KCP: variants seen among roughly 807,000 people sequenced by gnomAD.
The protein encoded by KCP is kielin cysteine rich BMP regulator.
KCP carries 194 observed loss-of-function variants against 212.7 expected under a neutral mutation model. That is an observed-to-expected ratio of 0.91 (90% CI 0.81 to 1.03). The LOEUF (loss-of-function observed/expected upper bound fraction) is 1.03, where lower values mean the gene tolerates loss of function less well. Ranked by LOEUF, KCP falls within the 50% of genes least tolerant of loss-of-function variation. The pLI, the probability that KCP is intolerant of heterozygous loss-of-function variation, is 0.00. For synonymous variants in KCP, 833 were observed against 865.3 expected (o/e 0.96, Z 0.65); for missense variants, 2,080 against 2,162.5 (o/e 0.96, Z 0.76).
In KCP at chr7:128,877,716, G is replaced by T; in HGVS notation, c.4386C>A (p.Tyr1462Ter). The T allele has an allele frequency of 6.4e-7, 1 of 1,551,120 alleles. No individual in the cohort carries two copies. The highest frequency in any genetic ancestry group is 1.2e-5 in the South Asian group (1 of 84,064). The change falls in exon 39 of 40, where the codon TAC (tyrosine) becomes TAA (stop). Residue 1462 changes from tyrosine (Y) to a stop codon, truncating the protein, a stop_gained. Transcript: ENST00000610776. LOFTEE classifies it high-confidence loss of function. ...REVDPCRAAGYRARREANARC... is the reference protein window; with the variant it reads ...REVDPCRAAG ...GGGCATTGGCCTCACGCCTGGCACGGTAACCTGCTGCCCGGCACGGATCCA... is the reference window on the plus strand; with the variant it reads ...GGGCATTGGCCTCACGCCTGGCACGTTAACCTGCTGCCCGGCACGGATCCA...
intron 1 of KCP, 40 bp downstream of exon 1, chr7:128,910,561 G>A (rs1795379427): frequency 1.3e-6 from 2 of 1,489,694 alleles, no homozygotes; most frequent in Admixed American, 2.1e-5. Flanking sequence ...GGGAGGGGGC[G>A]CACCTGGCCG....
chr7:128,878,425 T>A (rs2128943934), intron 38 of KCP, 133 bp downstream of exon 38: 1 of 1,003,312 alleles, frequency 1.0e-6, no homozygotes, highest in African/African-American at 1.6e-5. Flanking sequence ...CCCCCACACC[T>A]CCCTGAAAGC....
chr7:128,903,708 A>AGG lies in KCP; in HGVS notation c.748+17_748+18dup. ...CAACCTACCTGTGGCTCTACCAGGGAGGGGCCAGGGGCTCTCACCTTGGCA... is the reference window on the plus strand; with the variant it reads ...CAACCTACCTGTGGCTCTACCAGGGAGGGGGGCCAGGGGCTCTCACCTTGGCA... On this transcript the variant is annotated intron_variant, in intron 7 of 39. Coordinates refer to ENST00000610776, the MANE Select transcript of KCP (RefSeq NM_001366122.1). The AGG allele has an allele frequency of 3.3e-6, 5 of 1,527,946 alleles. No individual in the cohort carries two copies. The highest frequency in any genetic ancestry group is 4.4e-6 in the Non-Finnish European group (5 of 1,135,300). 94.6% of individuals were successfully genotyped at this position (1,527,946 alleles called of 1,614,324 possible). A position where few individuals can be genotyped will look rare whatever the true frequency, so the allele number is the denominator to read the frequency against.
intron 8 of KCP, among the ~76,000 whole-genome samples, chr7:128,902,425 A>G (rs1316657850): frequency 1.3e-5 from 2 of 152,258 alleles, no homozygotes; most frequent in Non-Finnish European, 2.9e-5. Flanking sequence ...AGCCACAGGT[A>G]GTAGTGGCTG....
chr7:128,891,089 T>G lies in KCP; in HGVS notation c.1980A>C (p.Pro660=), dbSNP rs1278294840. The change falls in exon 20 of 40, where the codon CCA becomes CCC. Residue 660 remains proline (P), a synonymous_variant. Transcript: ENST00000610776. Reference sequence around the variant, plus strand: ...CGGGCCGTGGGCAGCCGGCGGGGGCTGGGGCGGCTGCGGCGAGACAGCGCA... The same window carrying G: ...CGGGCCGTGGGCAGCCGGCGGGGGCGGGGGCGGCTGCGGCGAGACAGCGCA... ...GECCPQCPAA[P]APAGCPRPGA... 6.9e-7 allele frequency: 1 copy of G among 1,440,580 alleles called. No homozygotes were observed. Among genetic ancestry groups the G allele is most frequent in the Non-Finnish European group, 9.1e-7 (1 of 1,101,554 alleles). 89.2% of individuals were successfully genotyped at this position (1,440,580 alleles called of 1,614,324 possible).
chr7:128,897,323 T>C (rs1176721109), intron 8 of KCP, among the ~76,000 whole-genome samples: 1 of 152,244 alleles, frequency 6.6e-6, no homozygotes. Flanking sequence ...CCTTGTCTTG[T>C]ATGTCCTTGG....
In KCP at chr7:128,891,082, C is replaced by T. The variant is rs1343928703; in HGVS notation, c.1987G>A (p.Ala663Thr). The change falls in exon 20 of 40, where the codon GCC (alanine) becomes ACC (threonine). Residue 663 changes from alanine to threonine, a missense_variant. By Grantham distance (58) the Ala-to-Thr change is moderately conservative (BLOSUM62 0). Coordinates refer to ENST00000610776, the MANE Select transcript of KCP (RefSeq NM_001366122.1). ...GCCGCGCCGGGCCGTGGGCAGCCGG[C>T]GGGGGCTGGGGCGGCTGCGGCGAGA... ...CPQCPAAPAP[A>T]GCPRPGAAHA... 3 of 1,419,742 alleles carry T rather than the reference C, an allele frequency of 2.1e-6. No homozygotes were observed. Among genetic ancestry groups the T allele is most frequent in the South Asian group, 1.5e-5 (1 of 66,234 alleles). The allele number at this position is 1,419,742 out of a possible 1,614,324, so 87.9% of individuals were successfully genotyped here.
chr7:128,881,200 C>T lies in KCP; in HGVS notation c.3425-115G>A, dbSNP rs145502932. On this transcript the variant is annotated intron_variant, in intron 31 of 39. Transcript: ENST00000610776. ...GCACCCACTCCGTGTCCCTACCACC[C>T]TGATGGTGTTGATTTCTTCAGCCAA... The T allele has an allele frequency of 2.6e-3, 1,026 of 399,056 alleles. 13 individuals are homozygous for T. The highest frequency in any genetic ancestry group is 0.025 in the East Asian group (711 of 28,064). The allele number at this position is 399,056 out of a possible 1,614,324, so 24.7% of individuals were successfully genotyped here. A position where few individuals can be genotyped will look rare whatever the true frequency, so the allele number is the denominator to read the frequency against.
At chr7:128,889,847 G>T (rs1368968376) in intron 21 of KCP, 1 of 155,136 alleles carries the variant, frequency 6.4e-6, no homozygotes, top group African/African-American at 2.4e-5. Context: ...GCCCAGAGAG[G>T]CTATGTAACT....
chr7:128,906,408 G>A (rs1795122288), intron 4 of KCP, 45 bp from the exon 5 acceptor site: 16 of 1,344,578 alleles, frequency 1.2e-5, no homozygotes, highest in Non-Finnish European at 1.7e-5. Context: ...CAGATTCCTG[G>A]AGGGCAGGGC....
intron 4 of KCP, 114 bp downstream of exon 4, chr7:128,906,987 T>G (rs527813191): frequency 9.9e-7 from 1 of 1,006,832 alleles, no homozygotes; most frequent in South Asian, 1.6e-5. Context: ...TGGCAAGGTG[T>G]GGGAGTGGCA....
rs1312409401 is a variant in KCP, at chr7:128,891,062, G to A, written c.2007C>T (p.Gly669=). ...APAPAGCPRP[G]AAHARHQEYF... is the part of the protein sequence containing the mutation. ...ACTCCTGGTGGCGGGCGTGGGCCGC[G>A]CCGGGCCGTGGGCAGCCGGCGGGGG... Residue 669 remains glycine, a synonymous_variant, in exon 20 of 40, where the codon GGC becomes GGT. Coordinates refer to ENST00000610776, the MANE Select transcript of KCP (RefSeq NM_001366122.1). The A allele has an allele frequency of 7.1e-7, 1 of 1,404,972 alleles. No individual in the cohort carries two copies. Among genetic ancestry groups the A allele is most frequent in the Non-Finnish European group, 9.2e-7 (1 of 1,087,146 alleles). 87.0% of individuals were successfully genotyped at this position (1,404,972 alleles called of 1,614,324 possible). A position where few individuals can be genotyped will look rare whatever the true frequency, so the allele number is the denominator to read the frequency against.
At chr7:128,896,233 T>C (rs974168358) in intron 8 of KCP, among the ~76,000 whole-genome samples, 1 of 152,058 alleles carries the variant, frequency 6.6e-6, no homozygotes, top group Non-Finnish European at 1.5e-5. Flanking sequence ...TGTGGGTAAG[T>C]GGGGTGCATA....
rs543324717 is a variant in KCP at position 128,902,006 on chromosome 7, C to T, written c.831+771G>A. Among the ~76,000 whole-genome samples the T allele has an allele frequency of 6.6e-5, 10 of 152,282 alleles. No homozygotes were observed. In the South Asian group the frequency reaches 1.4e-3, roughly 22 times the overall value. On this transcript the variant is annotated intron_variant, in intron 8 of 39. Coordinates refer to ENST00000610776, the MANE Select transcript of KCP (RefSeq NM_001366122.1). ...GAAGATGTTCTAGATCTGTGCTGCC[C>T]GGTAGAAATACAATGTTAACCACTT...
chr7:128,892,524 G>A lies in KCP; in HGVS notation c.1611C>T (p.Pro537=), dbSNP rs1483380836. The change falls in exon 16 of 40, where the codon CCC becomes CCT. Residue 537 remains proline, a synonymous_variant. Transcript: ENST00000610776. The stretch of plus-strand genomic sequence containing the variant: ...TGAGTGCCCACATACCTGGGCACCT[G>A]GGGCAACACTGGCCTGGTCCACTCT... The part of the protein sequence containing the change: ...RPQSGPGQCC[P]RCPDCILEEE... 9 of 1,531,242 alleles carry A rather than the reference G, an allele frequency of 5.9e-6. No homozygotes were observed. In the African/African-American group the frequency reaches 8.2e-5, roughly 14 times the overall value. The allele number at this position is 1,531,242 out of a possible 1,614,324, so 94.9% of individuals were successfully genotyped here.
At position 128,893,792 on chromosome 7, in the gene KCP, C is replaced by T. The variant is rs775703421; in HGVS notation, c.1099+14G>A. 2.5e-5 allele frequency: 39 copies of T among 1,548,380 alleles called. No individual in the cohort carries two copies. The highest frequency in any genetic ancestry group is 1.8e-4 in the African/African-American group (13 of 73,022). On this transcript the variant is annotated intron_variant, in intron 11 of 39. Transcript: ENST00000610776. ...AGGCCTGCCCCTCCCGCAGAGACCC[C>T]GGCCCCCACTCACCATCGCAGACAG...
At chr7:128,906,803 G>T (rs1356194663) in intron 4 of KCP, among the ~76,000 whole-genome samples, 1 of 151,404 alleles carries the variant, frequency 6.6e-6, no homozygotes, top group Non-Finnish European at 1.5e-5. Flanking sequence ...AAGTAATTGC[G>T]GTTTTTGCCA....
At position 128,877,619 on chromosome 7, in the gene KCP, C is replaced by T. The variant is rs866881766; in HGVS notation, c.4483G>A (p.Ala1495Thr). The change falls in exon 39 of 40, where the codon GCC (alanine) becomes ACC (threonine). Residue 1495 changes from alanine to threonine, a missense_variant. Ala to Thr is a moderately conservative substitution (Grantham distance 58). Transcript: ENST00000610776. Reference sequence around the variant, plus strand: ...CAGGCACACAGGTCATACACACAGGCGGCAAAGAAGGGCTCCGGTGGCACC... The same window carrying T: ...CAGGCACACAGGTCATACACACAGGTGGCAAAGAAGGGCTCCGGTGGCACC... ...AVVPPEPFFA[A>T]CVYDLCACGP... 3.0e-5 allele frequency: 46 copies of T among 1,551,546 alleles called. No individual in the cohort carries two copies. Among genetic ancestry groups the T allele is most frequent in the Admixed American group, 2.0e-4 (10 of 50,992 alleles).
chr7:128,897,829 G>T (rs1585239640), intron 8 of KCP, among the ~76,000 whole-genome samples: 1 of 152,190 alleles, frequency 6.6e-6, no homozygotes, highest in South Asian at 2.1e-4. Flanking sequence ...AAAGCAAAGA[G>T]ATTTTATATA....
Sources: allele counts gnomAD v4.1 joint callset (sites outside exome capture counted in the v4.1 genomes callset), GRCh38; gene constraint gnomAD v4.1.1; transcripts MANE v1.5; gene names NCBI Gene and HGNC (gene_info 2026-07-23, HGNC 2026-07-21).